Variants in CHL1 observed in about 807,000 individuals in gnomAD.
CHL1 encodes the protein neural cell adhesion molecule L1-like protein.
A neutral mutation model predicts 141.9 loss-of-function variants in CHL1; 96 were observed. That is an observed-to-expected ratio of 0.68 (90% CI 0.57 to 0.80). The LOEUF (loss-of-function observed/expected upper bound fraction) is 0.80. CHL1 is among the 30% of genes least tolerant of loss of function. CHL1 has a pLI of 0.00. For synonymous variants in CHL1, 613 were observed against 502.2 expected (o/e 1.22, Z -2.95); for missense variants, 1,820 against 1,457.2 (o/e 1.25, Z -4.05).
At chr3:278,988 T>C (rs1299859235) in intron 2 of CHL1, among the ~76,000 whole-genome samples, 6 of 152,206 alleles carry the variant, frequency 3.9e-5, no homozygotes, top group Non-Finnish European at 8.8e-5. Flanking sequence ...CTCTTCTCTC[T>C]ATATTTCTCA....
chr3:389,989 A>G (rs998457486), intron 20 of CHL1, among the ~76,000 whole-genome samples: 1 of 152,204 alleles, frequency 6.6e-6, no homozygotes, highest in Non-Finnish European at 1.5e-5. Context: ...GGAAGAAGAA[A>G]AAAACACTGC....
At chr3:376,331 C>A in intron 15 of CHL1, 1 of 493,516 alleles carries the variant, frequency 2.0e-6, no homozygotes, top group African/African-American at 2.0e-5. Flanking sequence ...ATTATCCAGG[C>A]TTCATGTTCA....
rs201043760 is a variant in CHL1 at position 205,106 on chromosome 3, T to TTC, written c.-175+8044_-175+8045insCT. Among the ~76,000 whole-genome samples, 54 of 143,966 alleles carry TTC rather than the reference T, an allele frequency of 3.8e-4. No individual in the cohort carries two copies. The South Asian group carries it at 0.011, about 28-fold the overall frequency. 94.4% of individuals were successfully genotyped at this position (143,966 alleles called of 152,430 possible). A position where few individuals can be genotyped will look rare whatever the true frequency, so the allele number is the denominator to read the frequency against. ...TTTTCCTTTTTCTTTCTTTCTTTCTTTTTTTTTTTTTTTGGAGATAGGGTC... is the reference window on the plus strand; with the variant it reads ...TTTTCCTTTTTCTTTCTTTCTTTCTTTCTTTTTTTTTTTTTGGAGATAGGGTC... On this transcript the variant is annotated intron_variant, in intron 1 of 27. Coordinates refer to ENST00000256509, the MANE Select transcript of CHL1 (RefSeq NM_006614.4).
At chr3:337,855 C>T (rs1260635373) in intron 5 of CHL1, among the ~76,000 whole-genome samples, 1 of 152,126 alleles carries the variant, frequency 6.6e-6, no homozygotes, top group African/African-American at 2.4e-5. Flanking sequence ...GTCTTCATAG[C>T]AGCATGATTT....
intron 2 of CHL1, among the ~76,000 whole-genome samples, chr3:302,396 C>G (rs1254334548): frequency 6.6e-6 from 1 of 152,192 alleles, no homozygotes; most frequent in African/African-American, 2.4e-5. Flanking sequence ...TCCACAAACT[C>G]TCCAGCATCT....
chr3:237,690 T>C (rs1351058940), intron 1 of CHL1, among the ~76,000 whole-genome samples: 1 of 152,224 alleles, frequency 6.6e-6, no homozygotes, highest in Non-Finnish European at 1.5e-5. Context: ...TTTAATCTTA[T>C]GTAAAATTAA....
intron 2 of CHL1, among the ~76,000 whole-genome samples, chr3:287,184 A>T (rs1264824675): frequency 1.3e-5 from 2 of 151,990 alleles, no homozygotes; most frequent in African/African-American, 4.8e-5. Flanking sequence ...ATGTATCAAC[A>T]TATAATATAA....
chr3:392,203 T>C (rs1223536443), intron 23 of CHL1, among the ~76,000 whole-genome samples: 1 of 152,216 alleles, frequency 6.6e-6, no homozygotes, highest in African/African-American at 2.4e-5. Flanking sequence ...AATGTTTATA[T>C]ATAAGATGTT....
intron 2 of CHL1, among the ~76,000 whole-genome samples, chr3:269,518 A>ACT (rs146607553): frequency 3.3e-5 from 5 of 149,798 alleles, no homozygotes; most frequent in Admixed American, 6.7e-5. Context: ...GATAAAAAAG[A>ACT]CTCTCTCTCT....
intron 15 of CHL1, among the ~76,000 whole-genome samples, chr3:374,471 G>A (rs987856823): frequency 2.0e-5 from 3 of 152,108 alleles, no homozygotes; most frequent in Admixed American, 6.5e-5. Flanking sequence ...AGAGACCCAT[G>A]GCTGGTGGGT....
Position 382,624 on chromosome 3 carries a change from G to A in CHL1, c.2129G>A (p.Arg710Lys), listed in dbSNP as rs1374020812. 3.1e-6 allele frequency: 5 copies of A among 1,613,800 alleles called. No individual in the cohort carries two copies. Among genetic ancestry groups the A allele is most frequent in the African/African-American group, 1.3e-5 (1 of 75,024 alleles). ...FRVIAVNEVG[R>K]SQPSQPSDHH... ...GTCATAGCCGTGAACGAAGTAGGGAGAAGTCAGCCTAGCCAGCCGTCAGAC... is the reference window on the plus strand; with the variant it reads ...GTCATAGCCGTGAACGAAGTAGGGAAAAGTCAGCCTAGCCAGCCGTCAGAC... Residue 710 changes from arginine (R) to lysine (K), a missense_variant, in exon 18 of 28, where the codon AGA becomes AAA. Coordinates refer to ENST00000256509, the MANE Select transcript of CHL1 (RefSeq NM_006614.4).
intron 2 of CHL1, among the ~76,000 whole-genome samples, chr3:316,113 C>CCCA (rs1276130791): frequency 1.3e-5 from 2 of 151,988 alleles, no homozygotes; most frequent in African/African-American, 4.8e-5. Context: ...TTCCAGTTGA[C>CCCA]CGGTGCCATC....
Position 394,694 on chromosome 3 carries a change from A to G in CHL1, c.2916A>G (p.Ile972Met), listed in dbSNP as rs2106400198. The change falls in exon 24 of 28, where the codon ATA (isoleucine) becomes ATG (methionine). Residue 972 changes from isoleucine (I) to methionine (M), a missense_variant and splice_region_variant. Coordinates refer to ENST00000256509, the MANE Select transcript of CHL1 (RefSeq NM_006614.4). ...LTGYLLQYQI[I>M]NDTYEIGELN... Reference sequence around the variant, plus strand: ...TGTTGTTCATGTTTATTTTTTTAGTAAATGACACCTACGAGATTGGAGAAT... The same window carrying G: ...TGTTGTTCATGTTTATTTTTTTAGTGAATGACACCTACGAGATTGGAGAAT... 2 of 1,601,796 alleles carry G rather than the reference A, an allele frequency of 1.2e-6. No homozygotes were observed. Among genetic ancestry groups the G allele is most frequent in the Admixed American group, 1.7e-5 (1 of 57,376 alleles).
intron 2 of CHL1, among the ~76,000 whole-genome samples, chr3:295,423 G>C (rs1369202938): frequency 6.6e-6 from 1 of 152,042 alleles, no homozygotes; most frequent in Admixed American, 6.5e-5. Flanking sequence ...GGATTAACAT[G>C]GATAAGACTT....
At chr3:363,192 G>C in intron 13 of CHL1, 25 bp from the exon 14 acceptor site, 1 of 1,592,674 alleles carries the variant, frequency 6.3e-7, no homozygotes. Flanking sequence ...TACCTCAGAT[G>C]GATGTACGCT....
intron 1 of CHL1, among the ~76,000 whole-genome samples, chr3:236,403 C>T (rs1038318249): frequency 1.3e-5 from 2 of 152,108 alleles, no homozygotes; most frequent in Non-Finnish European, 2.9e-5. Context: ...CTAGGTCAGC[C>T]TTCTATAGGG....
Position 306,147 on chromosome 3 carries a change from G to A in CHL1, c.-94-13536G>A, listed in dbSNP as rs374428116. Among the ~76,000 whole-genome samples the A allele has an allele frequency of 9.9e-5, 15 of 152,166 alleles. No individual in the cohort carries two copies. The South Asian group carries it at 2.1e-3, about 21-fold the overall frequency. ...GTTTAGGGATCTAGGTCATTGGCCCGGGATTTGGCATTAATTCTTCTCATA... is the reference window on the plus strand; with the variant it reads ...GTTTAGGGATCTAGGTCATTGGCCCAGGATTTGGCATTAATTCTTCTCATA... On this transcript the variant is annotated intron_variant, in intron 2 of 27. Transcript: ENST00000256509.
rs532706677 is a variant in CHL1, at chr3:317,196, G to C, written c.-94-2487G>C. Among the ~76,000 whole-genome samples, 5 of 152,140 alleles carry C rather than the reference G, an allele frequency of 3.3e-5. No individual in the cohort carries two copies. In the South Asian group the frequency reaches 6.2e-4, roughly 19 times the overall value. On this transcript the variant is annotated intron_variant, in intron 2 of 27. Transcript: ENST00000256509. ...TTAGTCATTATTCATATTCTGAAAA[G>C]TGATGATGTCATTATGGGAGAGAAT...
intron 1 of CHL1, among the ~76,000 whole-genome samples, chr3:206,453 G>A (rs913885639): frequency 2.0e-5 from 3 of 152,046 alleles, no homozygotes; most frequent in Non-Finnish European, 1.5e-5. Flanking sequence ...GTGACAGAGC[G>A]AGACTGTCTT....
Sources: gnomAD v4.1 joint callset for allele counts (sites outside exome capture counted in the v4.1 genomes callset) on GRCh38, gnomAD v4.1.1 for gene constraint, MANE v1.5 for transcripts, NCBI Gene and HGNC (gene_info 2026-07-23, HGNC 2026-07-21) for gene names.